RYR3: variants seen among roughly 807,000 people sequenced by gnomAD.
The protein encoded by RYR3 is brain ryanodine receptor-calcium release channel.
A neutral mutation model predicts 584.3 loss-of-function variants in RYR3; 207 were observed. That is an observed-to-expected ratio of 0.35 (90% CI 0.32 to 0.40). The LOEUF (loss-of-function observed/expected upper bound fraction) is 0.40. RYR3 is among the 10% of genes least tolerant of loss of function. RYR3 has a pLI of 1.00. For synonymous variants in RYR3, 2,416 were observed against 2,248.5 expected (o/e 1.07, Z -2.11); for missense variants, 5,616 against 6,089.2 (o/e 0.92, Z 2.59).
At chr15:33,531,310 T>C (rs1207664717) in intron 4 of RYR3, among the ~76,000 whole-genome samples, 1 of 152,030 alleles carries the variant, frequency 6.6e-6, no homozygotes, top group Non-Finnish European at 1.5e-5. Flanking sequence ...ACATTTTAAA[T>C]ATAATTTATT....
intron 67 of RYR3, among the ~76,000 whole-genome samples, chr15:33,800,019 T>C (rs1297346457): frequency 6.6e-6 from 1 of 152,204 alleles, no homozygotes; most frequent in Non-Finnish European, 1.5e-5. Flanking sequence ...AATTTGAATA[T>C]GTAAGCTACT....
intron 67 of RYR3, among the ~76,000 whole-genome samples, chr15:33,789,627 TA>T (rs1567174735): frequency 2.2e-4 from 2 of 9,248 alleles, no homozygotes; most frequent in African/African-American, 6.3e-4. Flanking sequence ...TTTTATTTTA[TA>T]TATATATATA....
intron 10 of RYR3, among the ~76,000 whole-genome samples, chr15:33,556,838 C>T (rs2057098397): frequency 6.6e-6 from 1 of 152,124 alleles, no homozygotes; most frequent in Admixed American, 6.6e-5. Flanking sequence ...ATCCCTAACT[C>T]CCCGGTAGAG....
intron 30 of RYR3, 134 bp downstream of exon 30, chr15:33,647,594 G>C (rs1481879052): frequency 1.6e-6 from 1 of 641,004 alleles, no homozygotes; most frequent in Non-Finnish European, 2.8e-6. Context: ...TATCCATCTT[G>C]ATGCTTCCAG....
intron 69 of RYR3, among the ~76,000 whole-genome samples, chr15:33,807,102 C>T (rs1215026117): frequency 1.3e-5 from 2 of 152,122 alleles, no homozygotes. Context: ...CAGTTCTCCC[C>T]TCTCTGTAGC....
At chr15:33,856,219 G>A (rs1174411335) in intron 98 of RYR3, 1 of 152,146 alleles carries the variant, frequency 6.6e-6, no homozygotes, top group African/African-American at 2.4e-5. Context: ...TAAACCACCT[G>A]CTTTCTGTGA....
intron 65 of RYR3, among the ~76,000 whole-genome samples, chr15:33,782,630 C>G (rs2074454755): frequency 6.6e-6 from 1 of 152,060 alleles, no homozygotes; most frequent in Admixed American, 6.6e-5. Flanking sequence ...AGTGGGTGGC[C>G]TGAGGGATAA....
rs1184927531 is a variant in RYR3 at position 33,628,548 on chromosome 15, A to T, written c.2652A>T (p.Lys884Asn). 6.2e-6 allele frequency: 10 copies of T among 1,613,568 alleles called. No individual in the cohort carries two copies. Among genetic ancestry groups the T allele is most frequent in the Non-Finnish European group, 7.6e-6 (9 of 1,179,506 alleles). ...TCCATGAGCTTTGGGGAATGAATAA[A>T]ATAGAACTTGGCTGGACTTTCGGCA... ...ENIHELWGMN[K>N]IELGWTFGKI... The change falls in exon 21 of 104, where the codon AAA (lysine) becomes AAT (asparagine). Residue 884 changes from lysine to asparagine, a missense_variant. By Grantham distance (94) the Lys-to-Asn change is moderately conservative. Transcript: ENST00000634891.
At chr15:33,758,650 A>G (rs1237754456) in intron 60 of RYR3, among the ~76,000 whole-genome samples, 1 of 152,146 alleles carries the variant, frequency 6.6e-6, no homozygotes, top group Non-Finnish European at 1.5e-5. Context: ...CCCAATCCGG[A>G]TTGTAGACAA....
intron 100 of RYR3, among the ~76,000 whole-genome samples, chr15:33,860,080 G>T (rs973874006): frequency 6.6e-6 from 1 of 151,882 alleles, no homozygotes; most frequent in African/African-American, 2.4e-5. Context: ...GAGCAGAGGA[G>T]CTGGACAGTG....
chr15:33,612,504 G>T (rs1478429625), intron 18 of RYR3, among the ~76,000 whole-genome samples: 1 of 152,132 alleles, frequency 6.6e-6, no homozygotes, highest in Non-Finnish European at 1.5e-5. Flanking sequence ...GGGATTACAG[G>T]CATGCGCCAC....
In RYR3 at chr15:33,816,917, G is replaced by A. The variant is rs746295943; in HGVS notation, c.10558G>A (p.Glu3520Lys). The A allele has an allele frequency of 6.2e-7, 1 of 1,612,354 alleles. No homozygotes were observed. Among genetic ancestry groups the A allele is most frequent in the South Asian group, 1.1e-5 (1 of 90,524 alleles). The change falls in exon 75 of 104, where the codon GAG becomes AAG. Residue 3520 changes from glutamate (E) to lysine (K), a missense_variant. Physicochemically the swap from Glu to Lys is moderately conservative, Grantham distance 56. Around this residue, in one of 9 missense-constraint regions of RYR3, gnomAD observed 954 missense variants for 1,132.2 expected, o/e 0.84. Transcript: ENST00000634891. ...HGYQRFWIET[E>K]EYSFEEKLVQ... The stretch of plus-strand genomic sequence containing the variant: ...CTATCAGAGATTTTGGATAGAAACA[G>A]AGGAGTATTCCTTTGAAGAGAAACT...
chr15:33,861,558 C>G (rs1888225575), intron 102 of RYR3, among the ~76,000 whole-genome samples: 1 of 151,946 alleles, frequency 6.6e-6, no homozygotes, highest in South Asian at 2.1e-4. Flanking sequence ...CTTCTTTTTC[C>G]CTTTCAGCAC....
intron 11 of RYR3, among the ~76,000 whole-genome samples, chr15:33,564,497 A>C (rs889878064): frequency 6.6e-6 from 1 of 152,188 alleles, no homozygotes. Flanking sequence ...AATAAGAACA[A>C]ATCAAAAATA....
intron 1 of RYR3, among the ~76,000 whole-genome samples, chr15:33,417,062 T>A (rs758078228): frequency 6.6e-6 from 1 of 152,204 alleles, no homozygotes; most frequent in Non-Finnish European, 1.5e-5. Flanking sequence ...TCTATTTTTG[T>A]ACCAGTACCA....
chr15:33,650,291 C>A (rs768965333), intron 31 of RYR3, among the ~76,000 whole-genome samples: 1 of 152,112 alleles, frequency 6.6e-6, no homozygotes, highest in Non-Finnish European at 1.5e-5. Context: ...GCAGGAGAAT[C>A]GCTTGAACCC....
chr15:33,650,293 C>A (rs1451303868), intron 31 of RYR3, among the ~76,000 whole-genome samples: 1 of 152,150 alleles, frequency 6.6e-6, no homozygotes, highest in Non-Finnish European at 1.5e-5. Flanking sequence ...AGGAGAATCG[C>A]TTGAACCCAG....
chr15:33,682,648 CT>C (rs978200806), intron 38 of RYR3, among the ~76,000 whole-genome samples: 5 of 152,168 alleles, frequency 3.3e-5, no homozygotes, highest in Admixed American at 2.0e-4. Context: ...AGAGCATTTG[CT>C]TTATTTCTCA....
chr15:33,865,348 A>T lies in RYR3; in HGVS notation c.*122A>T. ...TTTCTAAATGCCTCCCTTAAAAAAA[A>T]AACTGCTGAAAATCTGTGCTATTTT... On this transcript the variant is annotated 3_prime_UTR_variant, in exon 104 of 104. Coordinates refer to ENST00000634891, the MANE Select transcript of RYR3 (RefSeq NM_001036.6). 2 of 688,502 alleles carry T rather than the reference A, an allele frequency of 2.9e-6. No homozygotes were observed. The highest frequency in any genetic ancestry group is 2.0e-5 in the South Asian group (1 of 48,966). The allele number at this position is 688,502 out of a possible 1,614,324, so 42.6% of individuals were successfully genotyped here.
Sources: gnomAD v4.1 joint callset for allele counts (sites outside exome capture counted in the v4.1 genomes callset) on GRCh38, gnomAD v4.1.1 for gene constraint, gnomAD v4.1.1 regional missense constraint, MANE v1.5 for transcripts, NCBI Gene and HGNC (gene_info 2026-07-23, HGNC 2026-07-21) for gene names.